The following STK24 variants were observed in gnomAD, a reference collection of about 807,000 sequenced individuals.
The protein encoded by STK24 is serine/threonine kinase 24, also known as serine/threonine-protein kinase 24.
Under a neutral mutation model 55.6 loss-of-function variants are expected in STK24, and 21 were observed. The ratio of observed to expected loss-of-function variants is 0.38; its 90% CI spans 0.27 to 0.54. The LOEUF is 0.54. STK24 is among the 20% of genes least tolerant of loss of function. The probability of loss-of-function intolerance (pLI) is 0.79; values close to 1 mark genes in which losing one functional copy is unlikely to be tolerated. For missense variants in STK24, 383 were observed against 538.4 expected (o/e 0.71, Z 2.86); for synonymous variants, 200 against 215.2 (o/e 0.93, Z 0.62).
intron 1 of STK24, among the ~76,000 whole-genome samples, chr13:98,554,047 C>T (rs1302753599): frequency 6.6e-5 from 9 of 135,848 alleles, no homozygotes; most frequent in Admixed American, 1.6e-4. Context: ...GGGTGATGGG[C>T]GATGGAGCAA....
At chr13:98,475,089 C>CG (rs1343581384) in intron 4 of STK24, 111 bp from the exon 5 acceptor site, 1 of 1,449,702 alleles carries the variant, frequency 6.9e-7, no homozygotes, top group African/African-American at 1.4e-5. Flanking sequence ...GCACAGGCAC[C>CG]GGGGCTACAC....
At chr13:98,475,603 A>G (rs1210515000) in intron 3 of STK24, among the ~76,000 whole-genome samples, 2 of 152,230 alleles carry the variant, frequency 1.3e-5, no homozygotes, top group Admixed American at 6.5e-5. Context: ...AGAGGAGCCA[A>G]TGAGGAAGCC....
chr13:98,492,929 TCA>T (rs1895097783), intron 2 of STK24, among the ~76,000 whole-genome samples: 1 of 152,172 alleles, frequency 6.6e-6, no homozygotes, highest in Admixed American at 6.5e-5. Context: ...AAAAAAAAAT[TCA>T]CAGACTATTA....
intron 3 of STK24, 91 bp from the exon 4 acceptor site, chr13:98,475,449 C>A: frequency 5.8e-6 from 5 of 855,240 alleles, no homozygotes; most frequent in Non-Finnish European, 9.0e-6. Context: ...TGTTAATGGA[C>A]AAGGGTAATT....
intron 3 of STK24, among the ~76,000 whole-genome samples, chr13:98,480,479 C>T (rs1894539581): frequency 1.3e-5 from 2 of 152,136 alleles, no homozygotes; most frequent in Non-Finnish European, 2.9e-5. Context: ...TTTATGTGTA[C>T]ATTTATGGAA....
intron 2 of STK24, among the ~76,000 whole-genome samples, chr13:98,485,903 A>G (rs1445433838): frequency 6.6e-6 from 1 of 152,206 alleles, no homozygotes; most frequent in Non-Finnish European, 1.5e-5. Flanking sequence ...TCTATGCACC[A>G]GCCATTAATG....
At position 98,446,874 on chromosome 13, in the gene STK24, C is replaced by T. The variant is rs1410085524; in HGVS notation, c.*6299G>A. 4 of 1,579,432 alleles carry T rather than the reference C, an allele frequency of 2.5e-6. No homozygotes were observed. The highest frequency in any genetic ancestry group is 1.7e-4 in the Middle Eastern group (1 of 5,974). On this transcript the variant is annotated 3_prime_UTR_variant, in exon 11 of 11. Transcript: ENST00000539966. The stretch of plus-strand genomic sequence containing the variant: ...GCAGAAGAGGACCCCCTCTTCCAAA[C>T]ATCAGGATTTCTCCCAAGTCAGCGA...
chr13:98,573,256 G>A (rs905274206), intron 1 of STK24, among the ~76,000 whole-genome samples: 2 of 152,162 alleles, frequency 1.3e-5, no homozygotes, highest in Non-Finnish European at 2.9e-5. Flanking sequence ...ATAAAATTTT[G>A]TAACAGAAAT....
intron 1 of STK24, among the ~76,000 whole-genome samples, chr13:98,530,191 C>A (rs1896546660): frequency 6.6e-6 from 1 of 152,120 alleles, no homozygotes; most frequent in Admixed American, 6.5e-5. Context: ...CAGAAACACA[C>A]ACAAATACTT....
chr13:98,574,274 C>A (rs1033871632), intron 1 of STK24, among the ~76,000 whole-genome samples: 1 of 152,216 alleles, frequency 6.6e-6, no homozygotes, highest in African/African-American at 2.4e-5. Flanking sequence ...GCCTCTCAAA[C>A]TGCTGAGATT....
At chr13:98,575,548 C>CA in intron 1 of STK24, among the ~76,000 whole-genome samples, 1 of 151,870 alleles carries the variant, frequency 6.6e-6, no homozygotes, top group Admixed American at 6.6e-5. Flanking sequence ...TTTACGGTTT[C>CA]AAAAAAAGAA....
chr13:98,539,688 T>C lies in STK24; in HGVS notation c.43-20215A>G, dbSNP rs1896833007. Among the ~76,000 whole-genome samples, 3 of 152,228 alleles carry C rather than the reference T, an allele frequency of 2.0e-5. No homozygotes were observed. The South Asian group carries it at 6.2e-4, about 32-fold the overall frequency. On this transcript the variant is annotated intron_variant, in intron 1 of 10. Coordinates refer to ENST00000539966, the MANE Select transcript of STK24 (RefSeq NM_001032296.4). ...AATGGCAACTTTTTACTGCTTTGTA[T>C]TAAAATTACACATAGGAGAAATGGG...
chr13:98,479,006 C>A (rs1399668318), intron 3 of STK24, among the ~76,000 whole-genome samples: 1 of 152,194 alleles, frequency 6.6e-6, no homozygotes, highest in East Asian at 1.9e-4. Flanking sequence ...TGTCCAACGG[C>A]AATAATCCCC....
intron 5 of STK24, among the ~76,000 whole-genome samples, chr13:98,470,946 A>T (rs1316619287): frequency 6.6e-6 from 1 of 152,266 alleles, no homozygotes; most frequent in Non-Finnish European, 1.5e-5. Flanking sequence ...AGCAGATGCG[A>T]TCATTAGGAA....
intron 5 of STK24, among the ~76,000 whole-genome samples, chr13:98,473,258 A>G (rs146586962): frequency 7.7e-6 from 1 of 129,134 alleles, no homozygotes; most frequent in Admixed American, 7.7e-5. Flanking sequence ...GAGAGAAGGA[A>G]GGGGAGGAAG....
intron 1 of STK24, among the ~76,000 whole-genome samples, chr13:98,530,494 G>A (rs1594644688): frequency 6.6e-6 from 1 of 152,098 alleles, no homozygotes; most frequent in East Asian, 1.9e-4. Context: ...GAGGAGGCAC[G>A]AGCTCCATTT....
At chr13:98,542,789 C>T (rs1252526629) in intron 1 of STK24, 13 of 970,440 alleles carry the variant, frequency 1.3e-5, no homozygotes, top group African/African-American at 7.1e-5. Flanking sequence ...ACTTTCTATG[C>T]GTTTGTCTTT....
At chr13:98,455,038 G>C (rs1232357655) in intron 10 of STK24, 1 of 152,204 alleles carries the variant, frequency 6.6e-6, no homozygotes, top group African/African-American at 2.4e-5. Flanking sequence ...CGTAAAATGT[G>C]CTGCGTCTGA....
In STK24 at chr13:98,560,941, TCTAA is replaced by T. The variant is rs557828933; in HGVS notation, c.42+15800_42+15803del. Among the ~76,000 whole-genome samples, 113 of 151,840 alleles carry T rather than the reference TCTAA, an allele frequency of 7.4e-4. 1 individual carries two copies. The highest frequency in any genetic ancestry group is 3.4e-3 in the Middle Eastern group (1 of 294). ...AAACCATAATTCAGTCAGGCAGAAT[TCTAA>T]CTGTTTGTCCTCCTCAGGCTCCCAC... On this transcript the variant is annotated intron_variant, in intron 1 of 10. Transcript: ENST00000539966.
Sources: allele counts gnomAD v4.1 joint callset (sites outside exome capture counted in the v4.1 genomes callset), GRCh38; gene constraint gnomAD v4.1.1; transcripts MANE v1.5; gene names NCBI Gene and HGNC (gene_info 2026-07-23, HGNC 2026-07-21).